Variants in NRG1 observed in about 807,000 individuals in gnomAD.
The protein encoded by NRG1 is neuregulin 1.
In NRG1, 18 loss-of-function variants were observed where a neutral mutation model predicts 63.8. The observed-to-expected ratio is 0.28, with a 90% CI of 0.19 to 0.42. The LOEUF (loss-of-function observed/expected upper bound fraction) is 0.42. Ranked by LOEUF, NRG1 falls within the 10% of genes least tolerant of loss-of-function variation. The pLI is 1.00. For missense variants in NRG1, 762 were observed against 814.7 expected, an observed-to-expected ratio of 0.94 and a Z score of 0.79; for synonymous variants, 302 against 301.3, an observed-to-expected ratio of 1.00 and a Z score of -0.02.
At chr8:32,051,333 T>C (rs1821944811) in intron 1 of NRG1, among the ~76,000 whole-genome samples, 1 of 152,180 alleles carries the variant, frequency 6.6e-6, no homozygotes. Context: ...GCTCACAGTC[T>C]TATGTTAGGA....
intron 1 of NRG1, chr8:31,639,451 G>T (rs1803517040): frequency 6.5e-7 from 1 of 1,533,252 alleles, no homozygotes; most frequent in Non-Finnish European, 8.7e-7. Context: ...CTGGCGAGGC[G>T]CAGGACGCTG....
chr8:32,505,724 T>C (rs1438285897), intron 1 of NRG1, among the ~76,000 whole-genome samples: 1 of 152,224 alleles, frequency 6.6e-6, no homozygotes, highest in East Asian at 1.9e-4. Context: ...CACAGACTTG[T>C]GGACCTGTGA....
intron 1 of NRG1, among the ~76,000 whole-genome samples, chr8:32,123,739 A>G (rs1351832621): frequency 6.6e-6 from 1 of 151,246 alleles, no homozygotes; most frequent in African/African-American, 2.4e-5. Flanking sequence ...GTGTTTCTTT[A>G]GGAAATGTGC....
At chr8:32,059,469 T>C (rs998505859) in intron 1 of NRG1, among the ~76,000 whole-genome samples, 1 of 152,040 alleles carries the variant, frequency 6.6e-6, no homozygotes, top group Non-Finnish European at 1.5e-5. Flanking sequence ...TTTATTATAA[T>C]ACATCCTAAA....
intron 6 of NRG1, among the ~76,000 whole-genome samples, chr8:32,729,755 T>C (rs1017850420): frequency 1.3e-5 from 2 of 152,136 alleles, no homozygotes; most frequent in African/African-American, 4.8e-5. Context: ...AAACATATGT[T>C]TTAAAGACAA....
At chr8:32,525,425 T>TGTGTGTA (rs1554572103) in intron 1 of NRG1, among the ~76,000 whole-genome samples, 6 of 151,426 alleles carry the variant, frequency 4.0e-5, no homozygotes, top group African/African-American at 1.5e-4. Flanking sequence ...TGTGTGTGTG[T>TGTGTGTA]GTGTAGTGTC....
intron 1 of NRG1, among the ~76,000 whole-genome samples, chr8:31,902,597 G>C (rs1412551781): frequency 6.6e-6 from 1 of 152,086 alleles, no homozygotes; most frequent in Non-Finnish European, 1.5e-5. Flanking sequence ...CTATGAAAAG[G>C]ATGGGTACAA....
At chr8:31,740,936 CTA>C (rs1815207495) in intron 1 of NRG1, among the ~76,000 whole-genome samples, 1 of 152,022 alleles carries the variant, frequency 6.6e-6, no homozygotes, top group Admixed American at 6.6e-5. Context: ...CATCACAGCA[CTA>C]TTCACAGTAG....
At chr8:32,507,103 G>A (rs1345220717) in intron 1 of NRG1, among the ~76,000 whole-genome samples, 3 of 152,134 alleles carry the variant, frequency 2.0e-5, no homozygotes, top group Non-Finnish European at 4.4e-5. Flanking sequence ...TATGATGGGA[G>A]AGAGGGAAGA....
chr8:32,294,788 C>T (rs17630934), intron 1 of NRG1, among the ~76,000 whole-genome samples: 21,603 of 152,090 alleles, frequency 0.14, 1,574 homozygotes, highest in African/African-American at 0.16. Context: ...TCTTTGTTCT[C>T]GTAGCTGCTA....
At chr8:31,716,142 A>C (rs567732458) in intron 1 of NRG1, among the ~76,000 whole-genome samples, 1 of 152,198 alleles carries the variant, frequency 6.6e-6, no homozygotes, top group African/African-American at 2.4e-5. Context: ...GGGAGAAGCT[A>C]TATTAAGTGT....
chr8:32,389,413 A>G (rs1015403731), intron 1 of NRG1, among the ~76,000 whole-genome samples: 1 of 152,222 alleles, frequency 6.6e-6, no homozygotes, highest in Non-Finnish European at 1.5e-5. Flanking sequence ...TAGCATATTA[A>G]GAAGATATTT....
intron 1 of NRG1, among the ~76,000 whole-genome samples, chr8:32,541,507 G>GAAAA (rs35243395): frequency 2.2e-4 from 31 of 144,112 alleles, no homozygotes; most frequent in African/African-American, 3.6e-4. Flanking sequence ...GAACATACAG[G>GAAAA]AAAAAAAAAA....
intron 1 of NRG1, among the ~76,000 whole-genome samples, chr8:31,845,189 G>A (rs1462010711): frequency 6.6e-6 from 1 of 151,972 alleles, no homozygotes; most frequent in Admixed American, 6.6e-5. Context: ...CTTCATATAA[G>A]TCTATTCTTC....
chr8:32,577,818 A>G (rs1340201210), intron 1 of NRG1, among the ~76,000 whole-genome samples: 3 of 151,820 alleles, frequency 2.0e-5, no homozygotes, highest in South Asian at 2.1e-4. Context: ...TACCATCATT[A>G]TAGCACTTCT....
At chr8:32,498,497 C>T (rs570717545) in intron 1 of NRG1, among the ~76,000 whole-genome samples, 97 of 152,302 alleles carry the variant, frequency 6.4e-4, no homozygotes, top group African/African-American at 2.3e-3. Flanking sequence ...AGGGGAAAAG[C>T]CCCTTATAAA....
chr8:32,405,649 T>G (rs1331653182), intron 1 of NRG1, among the ~76,000 whole-genome samples: 1 of 152,204 alleles, frequency 6.6e-6, no homozygotes, highest in Non-Finnish European at 1.5e-5. Flanking sequence ...AGATACCCCA[T>G]GTAATTATTG....
At chr8:32,749,640 A>AATC in intron 7 of NRG1, 1 of 1,569,486 alleles carries the variant, frequency 6.4e-7, no homozygotes, top group Non-Finnish European at 8.7e-7. Flanking sequence ...TATGAGCTGA[A>AATC]ATCTTTTTCC....
In NRG1 at chr8:32,599,349, A is replaced by G. The variant is rs539334218; in HGVS notation, c.278+3344A>G. Among the ~76,000 whole-genome samples the G allele has an allele frequency of 5.2e-4, 79 of 152,192 alleles. 1 individual carries two copies. Among genetic ancestry groups the G allele is most frequent in the African/African-American group, 1.8e-3 (74 of 41,528 alleles). On this transcript the variant is annotated intron_variant, in intron 2 of 11. Coordinates refer to ENST00000356819, the Ensembl canonical transcript of NRG1. ...AATTAAATACTTTGACTCTTTCCCA[A>G]TCCTTAGTCTTGGCTTCTTTTTCAC...
Sources: allele counts gnomAD v4.1 joint callset (sites outside exome capture counted in the v4.1 genomes callset), GRCh38; gene constraint gnomAD v4.1.1; transcripts MANE v1.5; gene names NCBI Gene and HGNC (gene_info 2026-07-23, HGNC 2026-07-21).